The following SFT2D2 variants were observed in gnomAD, a reference collection of about 807,000 sequenced individuals.
SFT2D2 encodes the protein SFT2 domain containing 2, also known as vesicle transport protein SFT2B.
A neutral mutation model predicts 27.4 loss-of-function variants in SFT2D2; 21 were observed. The ratio of observed to expected loss-of-function variants is 0.77; its 90% CI spans 0.54 to 1.10. The LOEUF is 1.10. Ranked by LOEUF, SFT2D2 falls within the 50% of genes least tolerant of loss-of-function variation. SFT2D2 has a pLI of 0.00. For missense variants in SFT2D2, 187 were observed against 194.2 expected (o/e 0.96, Z 0.22); for synonymous variants, 72 against 71.7 (o/e 1.00, Z -0.02).
At chr1:168,235,479 C>A (rs1312598825) in intron 4 of SFT2D2, among the ~76,000 whole-genome samples, 1 of 152,152 alleles carries the variant, frequency 6.6e-6, no homozygotes, top group Non-Finnish European at 1.5e-5. Context: ...AGCTCAGACA[C>A]CTTCCTGGTG....
chr1:168,248,900 T>C lies in SFT2D2; in HGVS notation c.*6360T>C, dbSNP rs992313979. ...TAGAGTTGTTTATAGTATTCTCTAA[T>C]GGTAGTTTGTATTTCTGTGGTATCG... is the stretch of plus-strand genomic sequence containing the variant. On this transcript the variant is annotated 3_prime_UTR_variant, in exon 8 of 8. Coordinates refer to ENST00000271375, the MANE Select transcript of SFT2D2 (RefSeq NM_199344.3). 6.6e-6 allele frequency: 1 copy of C among 152,228 alleles called. No individual in the cohort carries two copies. The highest frequency in any genetic ancestry group is 1.5e-5 in the Non-Finnish European group (1 of 68,042). The allele number at this position is 152,228 out of a possible 1,614,324, so 9.4% of individuals were successfully genotyped here. A position where few individuals can be genotyped will look rare whatever the true frequency, so the allele number is the denominator to read the frequency against.
Position 168,231,454 on chromosome 1 carries a change from G to A in SFT2D2, c.64-60G>A, listed in dbSNP as rs532303412. On this transcript the variant is annotated intron_variant, in intron 1 of 7. Coordinates refer to ENST00000271375, the MANE Select transcript of SFT2D2 (RefSeq NM_199344.3). ...CTTAACACTTTCTAGATTTAGTTAT[G>A]TGCTTGCTTTGTTTTTAGTAAATGT... 2.9e-6 allele frequency: 4 copies of A among 1,386,896 alleles called. No homozygotes were observed. In the East Asian group the frequency reaches 9.1e-5, roughly 32 times the overall value. 85.9% of individuals were successfully genotyped at this position (1,386,896 alleles called of 1,614,324 possible). A position where few individuals can be genotyped will look rare whatever the true frequency, so the allele number is the denominator to read the frequency against.
chr1:168,231,633 T>C, intron 2 of SFT2D2, 33 bp downstream of exon 2: 1 of 1,600,168 alleles, frequency 6.2e-7, no homozygotes, highest in Non-Finnish European at 8.6e-7. Flanking sequence ...GTCTTTTCCT[T>C]CTACCTGTCT....
Position 168,235,141 on chromosome 1 carries a change from ATGTT to A in SFT2D2, c.280_283del (p.Phe94SerfsTer5). ...GGGACCAGTGAAACAGCTGAAGCGA[ATGTT>A]TGAGCCTACTCGTTTGATTGCAACT... On this transcript the variant is annotated frameshift_variant, in exon 4 of 8. Coordinates refer to ENST00000271375, the MANE Select transcript of SFT2D2 (RefSeq NM_199344.3). LOFTEE classifies it high-confidence loss of function. 6.2e-7 allele frequency: 1 copy of A among 1,614,196 alleles called. No homozygotes were observed. The highest frequency in any genetic ancestry group is 8.5e-7 in the Non-Finnish European group (1 of 1,180,034).
chr1:168,250,317 AC>A lies in SFT2D2; in HGVS notation c.*7779del, dbSNP rs1647921571. The A allele has an allele frequency of 6.6e-6, 1 of 152,202 alleles. No individual in the cohort carries two copies. The highest frequency in any genetic ancestry group is 1.5e-5 in the Non-Finnish European group (1 of 68,040). 9.4% of individuals were successfully genotyped at this position (152,202 alleles called of 1,614,324 possible). ...CATTTCAAATCTGCTGAAACCTGTT[AC>A]CAAGCAACAGCAGTGATTAAAAGCA... On this transcript the variant is annotated 3_prime_UTR_variant, in exon 8 of 8. Coordinates refer to ENST00000271375, the MANE Select transcript of SFT2D2 (RefSeq NM_199344.3).
At chr1:168,235,020 C>T in intron 3 of SFT2D2, 81 bp from the exon 4 acceptor site, 4 of 1,199,680 alleles carry the variant, frequency 3.3e-6, no homozygotes, top group South Asian at 2.4e-5. Context: ...ACTATTGCCA[C>T]AGGAAATCTT....
chr1:168,227,003 A>G (rs1366724365), intron 1 of SFT2D2, among the ~76,000 whole-genome samples: 1 of 152,014 alleles, frequency 6.6e-6, no homozygotes. Flanking sequence ...TATTTTTACT[A>G]GAGACGAGGT....
chr1:168,236,767 C>T lies in SFT2D2; in HGVS notation c.410C>T (p.Thr137Met), dbSNP rs377708868. 22 of 1,614,120 alleles carry T rather than the reference C, an allele frequency of 1.4e-5. No individual in the cohort carries two copies. The highest frequency in any genetic ancestry group is 1.8e-5 in the Non-Finnish European group (21 of 1,179,974). Residue 137 changes from threonine (T) to methionine (M), a missense_variant, in exon 6 of 8, where the codon ACG becomes ATG. Physicochemically the swap from Thr to Met is moderately conservative, Grantham distance 81. Transcript: ENST00000271375. Reference protein sequence around the residue: ...IFCILQSLALTWYSLSFIPFA... With the variant: ...IFCILQSLALMWYSLSFIPFA... ...TGCATTTTGCAGTCTTTGGCATTGACGTGGTAAGTAACCTTTTAAACAATC... is the reference window on the plus strand; with the variant it reads ...TGCATTTTGCAGTCTTTGGCATTGATGTGGTAAGTAACCTTTTAAACAATC...
rs143086034 is a variant in SFT2D2 at position 168,244,381 on chromosome 1, G to A, written c.*1841G>A. 0.029 allele frequency: 4,356 copies of A among 152,218 alleles called. 106 individuals are homozygous for A. Among genetic ancestry groups the A allele is most frequent in the Middle Eastern group, 0.051 (15 of 294 alleles). The allele number at this position is 152,218 out of a possible 1,614,324, so 9.4% of individuals were successfully genotyped here. On this transcript the variant is annotated 3_prime_UTR_variant, in exon 8 of 8. Transcript: ENST00000271375. The stretch of plus-strand genomic sequence containing the variant: ...TTTAGTGGAGACAGGGTTTCACCAT[G>A]TTGGCCAAGCTGGTCTGGAACTCCT...
chr1:168,228,154 A>G (rs1700480527), intron 1 of SFT2D2, among the ~76,000 whole-genome samples: 1 of 152,156 alleles, frequency 6.6e-6, no homozygotes, highest in South Asian at 2.1e-4. Flanking sequence ...TTCCTAGGAA[A>G]TGTTTTGTTG....
rs138083284 is a variant in SFT2D2 at position 168,234,695 on chromosome 1, G to A, written c.237-406G>A. Among the ~76,000 whole-genome samples, 955 of 152,260 alleles carry A rather than the reference G, an allele frequency of 6.3e-3. 7 individuals carry two copies. The highest frequency in any genetic ancestry group is 0.021 in the African/African-American group (854 of 41,542). ...TAACATAAGCTACCTAAGCCTGTAA[G>A]GTATGGTTTTTCTTTAAACTTCCTG... On this transcript the variant is annotated intron_variant, in intron 3 of 7. Transcript: ENST00000271375.
intron 6 of SFT2D2, among the ~76,000 whole-genome samples, chr1:168,238,496 AAAAC>A (rs770229492): frequency 8.6e-5 from 13 of 151,848 alleles, no homozygotes; most frequent in African/African-American, 2.4e-4. Context: ...TCTCTGCAAA[AAAAC>A]AAACAAACAA....
At position 168,244,970 on chromosome 1, in the gene SFT2D2, A is replaced by G. The variant is rs946897846; in HGVS notation, c.*2430A>G. 1 of 152,220 alleles carries G rather than the reference A, an allele frequency of 6.6e-6. No homozygotes were observed. Among genetic ancestry groups the G allele is most frequent in the African/African-American group, 2.4e-5 (1 of 41,460 alleles). 9.4% of individuals were successfully genotyped at this position (152,220 alleles called of 1,614,324 possible). A position where few individuals can be genotyped will look rare whatever the true frequency, so the allele number is the denominator to read the frequency against. On this transcript the variant is annotated 3_prime_UTR_variant, in exon 8 of 8. Transcript: ENST00000271375. The stretch of plus-strand genomic sequence containing the variant: ...GGGCATCTTTAAAATATCTACTGCT[A>G]ACATCCTATGTAATGATGAAAGGCT...
intron 7 of SFT2D2, among the ~76,000 whole-genome samples, chr1:168,239,488 A>G (rs935568904): frequency 2.7e-5 from 4 of 146,554 alleles, no homozygotes; most frequent in African/African-American, 1.0e-4. Flanking sequence ...ATAAAGGTGA[A>G]TGTCATTTCA....
intron 1 of SFT2D2, among the ~76,000 whole-genome samples, chr1:168,226,675 T>C (rs1432757676): frequency 6.6e-6 from 1 of 152,116 alleles, no homozygotes; most frequent in African/African-American, 2.4e-5. Context: ...ACACATTGCC[T>C]TGTGATTGGG....
Position 168,242,692 on chromosome 1 carries a change from T to G in SFT2D2, c.*152T>G. ...GTGATTCGAACATTTGAGGGTTACT[T>G]TTGGAAGCAACAATACATTCTCGAA... On this transcript the variant is annotated 3_prime_UTR_variant, in exon 8 of 8. Transcript: ENST00000271375. 1.1e-6 allele frequency: 1 copy of G among 909,522 alleles called. No homozygotes were observed. Among genetic ancestry groups the G allele is most frequent in the Non-Finnish European group, 1.8e-6 (1 of 563,370 alleles). 56.3% of individuals were successfully genotyped at this position (909,522 alleles called of 1,614,324 possible).
rs886830815 is a variant in SFT2D2 at position 168,251,189 on chromosome 1, A to G, written c.*8649A>G. 6 of 152,118 alleles carry G rather than the reference A, an allele frequency of 3.9e-5. No individual in the cohort carries two copies. The highest frequency in any genetic ancestry group is 2.1e-4 in the South Asian group (1 of 4,812). The allele number at this position is 152,118 out of a possible 1,614,324, so 9.4% of individuals were successfully genotyped here. A position where few individuals can be genotyped will look rare whatever the true frequency, so the allele number is the denominator to read the frequency against. On this transcript the variant is annotated 3_prime_UTR_variant, in exon 8 of 8. Coordinates refer to ENST00000271375, the MANE Select transcript of SFT2D2 (RefSeq NM_199344.3). ...CAGCCAGGCTAGCTGGTGTGCGCCTATAATCCCAGCTACTTGGGAGGGAGG... is the reference window on the plus strand; with the variant it reads ...CAGCCAGGCTAGCTGGTGTGCGCCTGTAATCCCAGCTACTTGGGAGGGAGG...
intron 3 of SFT2D2, among the ~76,000 whole-genome samples, chr1:168,234,330 G>T (rs916050884): frequency 1.3e-5 from 2 of 151,558 alleles, no homozygotes; most frequent in East Asian, 3.9e-4. Flanking sequence ...GGAGGTGGAG[G>T]TTGCAATGAG....
intron 4 of SFT2D2, 32 bp from the exon 5 acceptor site, chr1:168,236,557 G>T (rs1647509180): frequency 6.3e-7 from 1 of 1,597,486 alleles, no homozygotes; most frequent in Non-Finnish European, 8.5e-7. Flanking sequence ...CCATGTTATT[G>T]TCATTAATTA....
Sources: allele counts gnomAD v4.1 joint callset (sites outside exome capture counted in the v4.1 genomes callset), GRCh38; gene constraint gnomAD v4.1.1; transcripts MANE v1.5; gene names NCBI Gene and HGNC (gene_info 2026-07-23, HGNC 2026-07-21).